C8orf34: variants seen among roughly 807,000 people sequenced by gnomAD.
C8orf34 encodes the protein uncharacterized protein C8orf34.
In C8orf34, 65 loss-of-function variants were observed where a neutral mutation model predicts 68.3. The observed-to-expected ratio is 0.95, with a 90% CI of 0.78 to 1.17. C8orf34 has a LOEUF of 1.17. Among genes scored for constraint, C8orf34 ranks in the 50% most tolerant of loss-of-function variants. The probability of loss-of-function intolerance (pLI) is 0.00; values close to 1 mark genes in which losing one functional copy is unlikely to be tolerated. For missense variants in C8orf34, 664 were observed against 655.4 expected (o/e 1.01, Z -0.14); for synonymous variants, 244 against 241.2 (o/e 1.01, Z -0.11).
At chr8:68,755,256 T>A (rs1326792214) in intron 10 of C8orf34, among the ~76,000 whole-genome samples, 4 of 152,138 alleles carry the variant, frequency 2.6e-5, no homozygotes, top group African/African-American at 9.7e-5. Flanking sequence ...TGAGGGAAAG[T>A]TGTATTCCGG....
At chr8:68,648,342 C>G (rs1324898647) in intron 8 of C8orf34, among the ~76,000 whole-genome samples, 1 of 152,128 alleles carries the variant, frequency 6.6e-6, no homozygotes, top group East Asian at 1.9e-4. Flanking sequence ...AAATTGTGAG[C>G]ATTGCATTAA....
intron 8 of C8orf34, among the ~76,000 whole-genome samples, chr8:68,665,999 T>A (rs1447638863): frequency 6.6e-6 from 1 of 152,188 alleles, no homozygotes; most frequent in Non-Finnish European, 1.5e-5. Context: ...TGAGGCACAT[T>A]AGGAAAATTA....
At chr8:68,612,286 A>T (rs901341899) in intron 7 of C8orf34, among the ~76,000 whole-genome samples, 2 of 152,172 alleles carry the variant, frequency 1.3e-5, no homozygotes, top group Non-Finnish European at 1.5e-5. Flanking sequence ...ATCTTGAGTT[A>T]GCCAGTTCTT....
chr8:68,713,472 T>C (rs199942734), intron 9 of C8orf34, among the ~76,000 whole-genome samples: 1 of 152,076 alleles, frequency 6.6e-6, no homozygotes, highest in East Asian at 1.9e-4. Context: ...ATGAAACAGA[T>C]GTTACTGCTG....
At chr8:68,739,941 A>G (rs1250356646) in intron 10 of C8orf34, among the ~76,000 whole-genome samples, 1 of 152,192 alleles carries the variant, frequency 6.6e-6, no homozygotes, top group East Asian at 1.9e-4. Context: ...GAGCCCAGAA[A>G]TAAAGCTGCA....
At chr8:68,788,836 C>T (rs11787474) in intron 12 of C8orf34, among the ~76,000 whole-genome samples, 59 of 150,704 alleles carry the variant, frequency 3.9e-4, no homozygotes, top group Admixed American at 1.5e-3. Flanking sequence ...TCCCGCCTGG[C>T]GACAGAGCGA....
intron 1 of C8orf34, among the ~76,000 whole-genome samples, chr8:68,384,205 G>A (rs183152007): frequency 6.6e-6 from 1 of 152,172 alleles, no homozygotes. Flanking sequence ...TGTCAATATA[G>A]AGTTCTCAAC....
At chr8:68,516,505 C>T (rs1319199863) in intron 5 of C8orf34, among the ~76,000 whole-genome samples, 1 of 152,136 alleles carries the variant, frequency 6.6e-6, no homozygotes, top group East Asian at 1.9e-4. Flanking sequence ...TGAAAGCAGA[C>T]TTCTTGGAGA....
intron 1 of C8orf34, among the ~76,000 whole-genome samples, chr8:68,402,224 T>A (rs188285686): frequency 1.2e-4 from 18 of 152,246 alleles, no homozygotes; most frequent in Non-Finnish European, 2.1e-4. Flanking sequence ...CTGATGATCT[T>A]TTGTATTTGC....
At chr8:68,413,410 G>T (rs1809527964) in intron 1 of C8orf34, among the ~76,000 whole-genome samples, 1 of 152,188 alleles carries the variant, frequency 6.6e-6, no homozygotes, top group Non-Finnish European at 1.5e-5. Flanking sequence ...TGAGTGTTCA[G>T]TACATATCTA....
intron 6 of C8orf34, among the ~76,000 whole-genome samples, chr8:68,523,762 G>T (rs1814857385): frequency 6.6e-6 from 1 of 152,036 alleles, no homozygotes; most frequent in Admixed American, 6.6e-5. Flanking sequence ...AAGCAGAAAG[G>T]GTTGGAGAAA....
intron 7 of C8orf34, among the ~76,000 whole-genome samples, chr8:68,569,715 CTG>C (rs1186172329): frequency 4.6e-5 from 7 of 152,348 alleles, no homozygotes; most frequent in African/African-American, 1.7e-4. Flanking sequence ...ACTACAAACT[CTG>C]TGCTGAATTA....
chr8:68,485,817 A>G (rs1813057051), intron 4 of C8orf34, among the ~76,000 whole-genome samples: 1 of 151,778 alleles, frequency 6.6e-6, no homozygotes, highest in Admixed American at 6.6e-5. Context: ...GGATTATTTA[A>G]TTTCAGATAT....
chr8:68,743,632 T>A (rs1305621029), intron 10 of C8orf34, among the ~76,000 whole-genome samples: 1 of 152,204 alleles, frequency 6.6e-6, no homozygotes. Flanking sequence ...AGATGGCACC[T>A]GAAAAATTGT....
At chr8:68,783,363 CA>C (rs1823742672) in intron 11 of C8orf34, among the ~76,000 whole-genome samples, 1 of 151,842 alleles carries the variant, frequency 6.6e-6, no homozygotes, top group African/African-American at 2.4e-5. Context: ...ACTAAAAATG[CA>C]AAAATTATCT....
At position 68,724,544 on chromosome 8, in the gene C8orf34, G is replaced by T. The variant is rs575122620; in HGVS notation, c.1404+3107G>T. On this transcript the variant is annotated intron_variant, in intron 10 of 13. Transcript: ENST00000518698. The stretch of plus-strand genomic sequence containing the variant: ...TATTTTGTGAATATTTAAGTGACGT[G>T]GAGGCAACATTTATATTTGAAGTTT... 2.0e-5 allele frequency among the ~76,000 whole-genome samples: 3 copies of T among 152,246 alleles called. No individual in the cohort carries two copies. In the East Asian group the frequency reaches 5.8e-4, roughly 29 times the overall value.
chr8:68,730,791 T>C (rs1411393194), intron 10 of C8orf34, among the ~76,000 whole-genome samples: 2 of 152,086 alleles, frequency 1.3e-5, no homozygotes, highest in Non-Finnish European at 2.9e-5. Context: ...CTAATATACA[T>C]TGATGCAGAG....
chr8:68,672,301 T>C, intron 8 of C8orf34, among the ~76,000 whole-genome samples: 1 of 152,116 alleles, frequency 6.6e-6, no homozygotes, highest in African/African-American at 2.4e-5. Context: ...TCATGAGAAC[T>C]AAAAATCAGG....
chr8:68,714,802 A>G (rs1401845045), intron 9 of C8orf34, among the ~76,000 whole-genome samples: 1 of 152,212 alleles, frequency 6.6e-6, no homozygotes, highest in Non-Finnish European at 1.5e-5. Context: ...ACCGAAAAAG[A>G]GACTGCATAG....
Sources: allele counts gnomAD v4.1 joint callset (sites outside exome capture counted in the v4.1 genomes callset), GRCh38; gene constraint gnomAD v4.1.1; transcripts MANE v1.5; gene names NCBI Gene and HGNC (gene_info 2026-07-23, HGNC 2026-07-21).